The following RAP1A variants were observed in gnomAD, a reference collection of about 807,000 sequenced individuals.
The protein encoded by RAP1A is RAP1A, member of RAS oncogene family.
A neutral mutation model predicts 26.4 loss-of-function variants in RAP1A; 6 were observed. The ratio of observed to expected loss-of-function variants is 0.23; its 90% CI spans 0.12 to 0.45. The LOEUF (loss-of-function observed/expected upper bound fraction) is 0.45. Ranked by LOEUF, RAP1A falls within the 20% of genes least tolerant of loss-of-function variation. The probability of loss-of-function intolerance (pLI) is 0.99; values close to 1 mark genes in which losing one functional copy is unlikely to be tolerated. For missense variants in RAP1A, 121 were observed against 217.2 expected (o/e 0.56, Z 2.78); for synonymous variants, 73 against 79.4 (o/e 0.92, Z 0.43).
At chr1:111,542,161 G>A (rs753523332), upstream of RAP1A, 20 of 397,668 alleles carry the variant, frequency 5.0e-5, no homozygotes, top group Non-Finnish European at 5.1e-6. Context: ...TAATTGAGTA[G>A]ATGCCTTGGA....
At chr1:111,553,749 C>T (rs1467001764) in intron 1 of RAP1A, among the ~76,000 whole-genome samples, 1 of 152,154 alleles carries the variant, frequency 6.6e-6, no homozygotes, top group Non-Finnish European at 1.5e-5. Context: ...AATTCCACTC[C>T]ACCCCCTTTT....
At chr1:111,651,595 G>A (rs1267943973) in intron 1 of RAP1A, among the ~76,000 whole-genome samples, 1 of 150,718 alleles carries the variant, frequency 6.6e-6, no homozygotes, top group Admixed American at 6.6e-5. Context: ...TTGTGCCTTA[G>A]CCTCCCGAGT....
intron 1 of RAP1A, among the ~76,000 whole-genome samples, chr1:111,553,937 A>G (rs559694045): frequency 1.3e-5 from 2 of 152,340 alleles, no homozygotes; most frequent in African/African-American, 4.8e-5. Flanking sequence ...GTTATTTTCT[A>G]GTGGTTCCAT....
intron 2 of RAP1A, among the ~76,000 whole-genome samples, chr1:111,693,471 G>A (rs1231375403): frequency 6.6e-6 from 1 of 152,064 alleles, no homozygotes; most frequent in Non-Finnish European, 1.5e-5. Context: ...GAGGGAAAGA[G>A]GAGATGATCC....
Position 111,702,316 on chromosome 1 carries a change from T to TAA in RAP1A, c.184-1019_184-1018dup, listed in dbSNP as rs200337818. On this transcript the variant is annotated intron_variant, in intron 4 of 7. Coordinates refer to ENST00000369709, the MANE Select transcript of RAP1A (RefSeq NM_002884.4). The stretch of plus-strand genomic sequence containing the variant: ...GTGCTTTTTAAGTAATATATATATA[T>TAA]AATACCAAAACTTTTCTAAAAGAAG... 7.6e-3 allele frequency among the ~76,000 whole-genome samples: 1,162 copies of TAA among 152,232 alleles called. 7 individuals are homozygous for TAA. Among genetic ancestry groups the TAA allele is most frequent in the Non-Finnish European group, 0.013 (853 of 68,008 alleles).
intron 1 of RAP1A, among the ~76,000 whole-genome samples, chr1:111,650,219 A>G (rs1660221809): frequency 6.6e-6 from 1 of 151,920 alleles, no homozygotes; most frequent in Non-Finnish European, 1.5e-5. Flanking sequence ...TTGGGCTTCA[A>G]AGAAATTCAG....
intron 1 of RAP1A, among the ~76,000 whole-genome samples, chr1:111,603,394 A>G (rs550348293): frequency 3.9e-5 from 6 of 152,322 alleles, no homozygotes; most frequent in African/African-American, 1.2e-4. Context: ...TGTCATCACT[A>G]TAATTTGAAT....
Position 111,590,665 on chromosome 1 carries a change from C to G in RAP1A, c.-28+48156C>G, listed in dbSNP as rs919235673. ...GTCTTGAACTCCTGAAAGTGATCCA[C>G]CCGCCTCGGCCTCCCAAAGTGCTGG... On this transcript the variant is annotated intron_variant, in intron 1 of 7. Coordinates refer to the RAP1A transcript ENST00000356415. Among the ~76,000 whole-genome samples the G allele has an allele frequency of 2.0e-5, 3 of 151,784 alleles. No individual in the cohort carries two copies. The East Asian group carries it at 5.8e-4, about 29-fold the overall frequency.
At chr1:111,633,973 A>C (rs1476519974) in intron 1 of RAP1A, among the ~76,000 whole-genome samples, 1 of 152,286 alleles carries the variant, frequency 6.6e-6, no homozygotes, top group East Asian at 1.9e-4. Flanking sequence ...GACATAAAGA[A>C]TCATTGCTTT....
At chr1:111,564,076 T>TA in intron 1 of RAP1A, 1 of 686,822 alleles carries the variant, frequency 1.5e-6, no homozygotes. Flanking sequence ...GAATTGGACA[T>TA]ACTCATAAAG....
chr1:111,713,986 G>T lies in RAP1A; in HGVS notation c.*1585G>T, dbSNP rs1229024573. On this transcript the variant is annotated 3_prime_UTR_variant, in exon 8 of 8. Coordinates refer to ENST00000369709, the MANE Select transcript of RAP1A (RefSeq NM_002884.4). The stretch of plus-strand genomic sequence containing the variant: ...CTAGATACTGTCTCTTTGCAACTAG[G>T]TATGAAGAAGTGTTCATGCCTTGCT... 2 of 152,194 alleles carry T rather than the reference G, an allele frequency of 1.3e-5. No homozygotes were observed. The highest frequency in any genetic ancestry group is 2.9e-5 in the Non-Finnish European group (2 of 68,032). The allele number at this position is 152,194 out of a possible 1,614,324, so 9.4% of individuals were successfully genotyped here. A position where few individuals can be genotyped will look rare whatever the true frequency, so the allele number is the denominator to read the frequency against.
intron 1 of RAP1A, among the ~76,000 whole-genome samples, chr1:111,642,119 C>T (rs367745765): frequency 3.3e-5 from 5 of 152,188 alleles, no homozygotes; most frequent in African/African-American, 1.2e-4. Flanking sequence ...GTGGTGCATG[C>T]CTGTAATCCC....
chr1:111,711,983 TC>T (rs1332658140), intron 7 of RAP1A, among the ~76,000 whole-genome samples: 1 of 152,214 alleles, frequency 6.6e-6, no homozygotes, highest in Non-Finnish European at 1.5e-5. Context: ...AAATGGTAAT[TC>T]TAATATATAA....
In RAP1A at chr1:111,633,927, T is replaced by C. The variant is rs1334443826; in HGVS notation, c.-28+13993T>C. Among the ~76,000 whole-genome samples the C allele has an allele frequency of 3.3e-5, 5 of 152,214 alleles. No homozygotes were observed. The East Asian group carries it at 9.6e-4, about 29-fold the overall frequency. On this transcript the variant is annotated intron_variant, in intron 1 of 7. Transcript: ENST00000369709. ...CACCACTCAGTGCCATCTGCCTACA[T>C]GGGTACATAAGCTATATAGTAGGCC...
intron 1 of RAP1A, among the ~76,000 whole-genome samples, chr1:111,554,210 T>G (rs1657387587): frequency 6.6e-6 from 1 of 152,184 alleles, no homozygotes; most frequent in Non-Finnish European, 1.5e-5. Context: ...AAAATTGAAT[T>G]AACACACATA....
chr1:111,564,994 C>T (rs1657884862), intron 1 of RAP1A, among the ~76,000 whole-genome samples: 1 of 152,034 alleles, frequency 6.6e-6, no homozygotes, highest in African/African-American at 2.4e-5. Context: ...AGGAAATTAA[C>T]TGGTGGAATG....
intron 1 of RAP1A, among the ~76,000 whole-genome samples, chr1:111,602,802 A>T (rs1021850113): frequency 6.6e-6 from 1 of 151,534 alleles, no homozygotes; most frequent in Admixed American, 6.6e-5. Flanking sequence ...AGGAAAATCT[A>T]CCCCAGTATC....
At chr1:111,650,093 C>CTTTTTTTTTTTTTTTTTTTTTTT (rs57681662) in intron 1 of RAP1A, among the ~76,000 whole-genome samples, 1 of 75,850 alleles carries the variant, frequency 1.3e-5, no homozygotes, top group Admixed American at 1.6e-4. Flanking sequence ...TGGTAGAGTG[C>CTTTTTTTTTTTTTTTTTTTTTTT]TTTTTTTTTT....
intron 1 of RAP1A, among the ~76,000 whole-genome samples, chr1:111,605,832 A>G (rs1173964361): frequency 6.6e-6 from 1 of 152,252 alleles, no homozygotes; most frequent in Non-Finnish European, 1.5e-5. Flanking sequence ...GCAGGGCTTC[A>G]GCTACAAAAG....
Sources: allele counts gnomAD v4.1 joint callset (sites outside exome capture counted in the v4.1 genomes callset), GRCh38; gene constraint gnomAD v4.1.1; transcripts MANE v1.5; gene names NCBI Gene and HGNC (gene_info 2026-07-23, HGNC 2026-07-21).